MIPOL1: variants seen among roughly 807,000 people sequenced by gnomAD.
The protein encoded by MIPOL1 is mirror-image polydactyly 1, also known as mirror-image polydactyly gene 1 protein.
MIPOL1 carries 57 observed loss-of-function variants against 60.9 expected under a neutral mutation model. The observed-to-expected ratio is 0.94, with a 90% CI of 0.76 to 1.17. The LOEUF is 1.17. Ranked by LOEUF, MIPOL1 falls within the 50% of genes most tolerant of loss-of-function variation. The probability of loss-of-function intolerance (pLI) is 0.00; values close to 1 mark genes in which losing one functional copy is unlikely to be tolerated. For missense variants in MIPOL1, 551 were observed against 511.6 expected, an observed-to-expected ratio of 1.08 and a Z score of -0.74; for synonymous variants, 179 against 168.8, an observed-to-expected ratio of 1.06 and a Z score of -0.47.
At chr14:37,528,972 T>A (rs1053307928) in intron 12 of MIPOL1, among the ~76,000 whole-genome samples, 1 of 152,156 alleles carries the variant, frequency 6.6e-6, no homozygotes, top group Non-Finnish European at 1.5e-5. Flanking sequence ...TTTTGACAGA[T>A]TAATGTGAGT....
At chr14:37,299,308 C>A (rs965166738) in intron 7 of MIPOL1, among the ~76,000 whole-genome samples, 1 of 151,324 alleles carries the variant, frequency 6.6e-6, no homozygotes, top group East Asian at 2.0e-4. Context: ...GAGAGGGGGG[C>A]GGGATAGCAT....
At chr14:37,427,021 C>G (rs2093979418) in intron 11 of MIPOL1, among the ~76,000 whole-genome samples, 1 of 151,832 alleles carries the variant, frequency 6.6e-6, no homozygotes, top group Non-Finnish European at 1.5e-5. Context: ...CCTCAAAGGT[C>G]AAACACAGAA....
At chr14:37,394,301 T>C (rs562105666) in intron 10 of MIPOL1, among the ~76,000 whole-genome samples, 93 of 151,950 alleles carry the variant, frequency 6.1e-4, no homozygotes, top group African/African-American at 2.1e-3. Flanking sequence ...CTGGATTAAA[T>C]GATAACTCTA....
chr14:37,283,974 C>A (rs1473660435), intron 6 of MIPOL1, among the ~76,000 whole-genome samples: 2 of 152,168 alleles, frequency 1.3e-5, no homozygotes, highest in Non-Finnish European at 2.9e-5. Flanking sequence ...ACTTTGGCCT[C>A]CCAAAGTGCT....
At chr14:37,486,757 A>G (rs958429798) in intron 11 of MIPOL1, among the ~76,000 whole-genome samples, 33 of 152,172 alleles carry the variant, frequency 2.2e-4, no homozygotes, top group African/African-American at 7.5e-4. Context: ...TAAATATACA[A>G]TCATGTCATC....
chr14:37,439,914 A>C (rs2094215677), intron 11 of MIPOL1, among the ~76,000 whole-genome samples: 2 of 152,146 alleles, frequency 1.3e-5, no homozygotes, highest in South Asian at 4.1e-4. Context: ...GCTGGAGTGC[A>C]GTGGTGCAGT....
At chr14:37,477,956 TC>T (rs2094803120) in intron 11 of MIPOL1, among the ~76,000 whole-genome samples, 1 of 152,252 alleles carries the variant, frequency 6.6e-6, no homozygotes, top group Non-Finnish European at 1.5e-5. Flanking sequence ...GTTGAAAATG[TC>T]TAAATGGTCT....
intron 1 of MIPOL1, among the ~76,000 whole-genome samples, chr14:37,207,922 T>C (rs540686400): frequency 1.3e-5 from 2 of 152,326 alleles, no homozygotes; most frequent in African/African-American, 4.8e-5. Flanking sequence ...TGTTTTTGGT[T>C]ATAATTTAAT....
intron 1 of MIPOL1, among the ~76,000 whole-genome samples, chr14:37,210,153 G>A (rs910390828): frequency 3.9e-5 from 6 of 152,010 alleles, no homozygotes; most frequent in Non-Finnish European, 7.4e-5. Context: ...GTGACTAAAT[G>A]TCAGGGAGTT....
chr14:37,313,843 A>G (rs1266493004), intron 9 of MIPOL1, among the ~76,000 whole-genome samples: 2 of 152,166 alleles, frequency 1.3e-5, no homozygotes, highest in African/African-American at 4.8e-5. Context: ...AAAAACTTCT[A>G]GGAGCAAAGC....
At chr14:37,252,033 A>G (rs921690450) in intron 3 of MIPOL1, among the ~76,000 whole-genome samples, 14 of 151,590 alleles carry the variant, frequency 9.2e-5, no homozygotes, top group African/African-American at 3.4e-4. Flanking sequence ...TATATTGTAA[A>G]TATATATATA....
chr14:37,214,332 T>A (rs1967214965), intron 1 of MIPOL1, among the ~76,000 whole-genome samples: 1 of 152,228 alleles, frequency 6.6e-6, no homozygotes, highest in Admixed American at 6.5e-5. Context: ...ATCAGGTAGA[T>A]GAAGTTAAGG....
chr14:37,417,415 A>T (rs775230061), intron 10 of MIPOL1, among the ~76,000 whole-genome samples: 1 of 152,214 alleles, frequency 6.6e-6, no homozygotes, highest in Non-Finnish European at 1.5e-5. Flanking sequence ...GAGAGACATG[A>T]CATCAGGACA....
rs1567209518 is a variant in MIPOL1, at chr14:37,267,168, A to G, written c.250A>G (p.Asn84Asp). The change falls in exon 4 of 13, where the codon AAC (asparagine) becomes GAC (aspartate). Residue 84 changes from asparagine (N) to aspartate (D), a missense_variant and splice_region_variant. Transcript: ENST00000684589. ...TGTTTACTGCACTACTGAAAAATAC[A>G]AGTAAGTGCTCACAGCCTTAGATTT... ...ESVYCTTEKY[N>D]VMEHRHNDMH... The G allele has an allele frequency of 6.2e-7, 1 of 1,606,416 alleles. No homozygotes were observed. The highest frequency in any genetic ancestry group is 8.5e-7 in the Non-Finnish European group (1 of 1,173,658).
chr14:37,551,425 AAT>A (rs2095561408), downstream of MIPOL1: 1 of 152,132 alleles, frequency 6.6e-6, no homozygotes, highest in African/African-American at 2.4e-5. Flanking sequence ...AATAAAGATA[AAT>A]GTCAATATGA....
At position 37,361,569 on chromosome 14, in the gene MIPOL1, T is replaced by C. The variant is rs112092304; in HGVS notation, c.829-7948T>C. Reference sequence around the variant, plus strand: ...AGCTCTCCTTGTTGAATTGTTCCCTTTACCATTATGTGATGGCCTTTTTTG... The same window carrying C: ...AGCTCTCCTTGTTGAATTGTTCCCTCTACCATTATGTGATGGCCTTTTTTG... On this transcript the variant is annotated intron_variant, in intron 9 of 12. Coordinates refer to ENST00000684589, the MANE Select transcript of MIPOL1 (RefSeq NM_001388067.1). 2.2e-3 allele frequency among the ~76,000 whole-genome samples: 333 copies of C among 149,964 alleles called. 2 individuals carry two copies. The highest frequency in any genetic ancestry group is 7.6e-3 in the African/African-American group (311 of 41,156).
intron 12 of MIPOL1, 49 bp from the exon 13 acceptor site, chr14:37,546,856 T>C (rs2095549400): frequency 2.8e-6 from 4 of 1,447,570 alleles, no homozygotes; most frequent in Non-Finnish European, 3.9e-6. Context: ...TTCTTAACAA[T>C]AATTGCCCTT....
At chr14:37,427,727 T>G (rs968295629) in intron 11 of MIPOL1, among the ~76,000 whole-genome samples, 4 of 152,152 alleles carry the variant, frequency 2.6e-5, no homozygotes, top group African/African-American at 9.7e-5. Context: ...TTAAGTTTCC[T>G]GCAAGCTCAA....
chr14:37,353,380 GTC>G (rs2091554802), intron 9 of MIPOL1, among the ~76,000 whole-genome samples: 1 of 131,344 alleles, frequency 7.6e-6, no homozygotes, highest in African/African-American at 2.9e-5. Context: ...TTTTTGTTGT[GTC>G]TCTGCCTGGC....
Sources: gnomAD v4.1 joint callset for allele counts (sites outside exome capture counted in the v4.1 genomes callset) on GRCh38, gnomAD v4.1.1 for gene constraint, MANE v1.5 for transcripts, NCBI Gene and HGNC (gene_info 2026-07-23, HGNC 2026-07-21) for gene names.